Variants in ATAD1 observed in about 807,000 individuals in gnomAD.
ATAD1 encodes the protein ATPase family AAA domain containing 1.
Under a neutral mutation model 42.7 loss-of-function variants are expected in ATAD1, and 18 were observed. The ratio of observed to expected loss-of-function variants is 0.42; its 90% CI spans 0.29 to 0.63. The LOEUF (loss-of-function observed/expected upper bound fraction) is 0.63. ATAD1 is among the 20% of genes least tolerant of loss of function. The pLI is 0.19. For missense variants in ATAD1, 294 were observed against 440.4 expected (o/e 0.67, Z 2.98); for synonymous variants, 132 against 143.1 (o/e 0.92, Z 0.55).
chr10:87,838,020 T>C (rs1178561120), intron 1 of ATAD1, among the ~76,000 whole-genome samples: 1 of 151,872 alleles, frequency 6.6e-6, no homozygotes, highest in Non-Finnish European at 1.5e-5. Context: ...CCTGGGGCTC[T>C]GTCTGTCTGT....
At chr10:87,803,245 A>G (rs1856784232) in intron 2 of ATAD1, among the ~76,000 whole-genome samples, 1 of 152,224 alleles carries the variant, frequency 6.6e-6, no homozygotes, top group Non-Finnish European at 1.5e-5. Context: ...CCGTCAAGGA[A>G]TAAACCATCC....
At chr10:87,837,430 A>G (rs1857949485) in intron 1 of ATAD1, among the ~76,000 whole-genome samples, 1 of 152,126 alleles carries the variant, frequency 6.6e-6, no homozygotes, top group African/African-American at 2.4e-5. Context: ...TATGTGTACT[A>G]CCAGTCAGTA....
rs563097649 is a variant in ATAD1, at chr10:87,761,608, G to C, written c.832-4686C>G. Among the ~76,000 whole-genome samples, 100 of 152,152 alleles carry C rather than the reference G, an allele frequency of 6.6e-4. 1 individual carries two copies. Among genetic ancestry groups the C allele is most frequent in the African/African-American group, 2.3e-3 (96 of 41,518 alleles). ...GCCCAGGGAGGCTGCAGTGAGCTGA[G>C]ATTGTGCCACTGCACTCTAGCCTGG... On this transcript the variant is annotated intron_variant, in intron 8 of 9. Coordinates refer to ENST00000680024, the MANE Select transcript of ATAD1 (RefSeq NM_001321967.2).
At chr10:87,841,181 A>C (rs1047671972) in intron 1 of ATAD1, 1 of 152,166 alleles carries the variant, frequency 6.6e-6, no homozygotes, top group African/African-American at 2.4e-5. Context: ...CTAAGTGTTA[A>C]TGTACCTTCT....
At chr10:87,764,937 A>G (rs1207411058) in intron 8 of ATAD1, among the ~76,000 whole-genome samples, 1 of 152,212 alleles carries the variant, frequency 6.6e-6, no homozygotes, top group Non-Finnish European at 1.5e-5. Context: ...ATCTTGAGTC[A>G]AATACATGGT....
At chr10:87,791,204 C>CAAAA (rs33991078) in intron 3 of ATAD1, among the ~76,000 whole-genome samples, 1 of 97,244 alleles carries the variant, frequency 1.0e-5, no homozygotes, top group Non-Finnish European at 2.2e-5. Context: ...GACTCTGTCT[C>CAAAA]AAAAAAAAAA....
intron 6 of ATAD1, among the ~76,000 whole-genome samples, chr10:87,771,603 A>G (rs1855034031): frequency 6.6e-6 from 1 of 152,176 alleles, no homozygotes; most frequent in Non-Finnish European, 1.5e-5. Context: ...TAGCTTCTCA[A>G]TGCGAAATAA....
chr10:87,766,986 C>CA (rs1393291348), intron 8 of ATAD1, among the ~76,000 whole-genome samples: 1 of 151,606 alleles, frequency 6.6e-6, no homozygotes, highest in Non-Finnish European at 1.5e-5. Flanking sequence ...ATTTCAACTT[C>CA]AAAAAATATT....
At chr10:87,799,245 T>A (rs1856563666) in intron 2 of ATAD1, among the ~76,000 whole-genome samples, 1 of 152,208 alleles carries the variant, frequency 6.6e-6, no homozygotes, top group Non-Finnish European at 1.5e-5. Flanking sequence ...TATTAAGGTG[T>A]CAAAATTTGG....
chr10:87,838,502 G>A (rs1470411094), intron 1 of ATAD1, among the ~76,000 whole-genome samples: 2 of 148,748 alleles, frequency 1.3e-5, no homozygotes, highest in African/African-American at 4.9e-5. Context: ...AAGGTGGAGT[G>A]TGCTTACTCC....
intron 9 of ATAD1, among the ~76,000 whole-genome samples, chr10:87,755,070 A>T (rs1034160308): frequency 1.3e-5 from 2 of 152,258 alleles, no homozygotes; most frequent in African/African-American, 4.8e-5. Flanking sequence ...AGTGCTAAGA[A>T]GTAGGAAGCT....
chr10:87,755,143 A>G (rs1854164481), intron 9 of ATAD1, among the ~76,000 whole-genome samples: 1 of 152,360 alleles, frequency 6.6e-6, no homozygotes, highest in Middle Eastern at 3.4e-3. Context: ...AAAAAATGTT[A>G]TATGGTTTAT....
At chr10:87,831,281 G>T (rs1433924470) in intron 1 of ATAD1, among the ~76,000 whole-genome samples, 37 of 152,186 alleles carry the variant, frequency 2.4e-4, no homozygotes, top group African/African-American at 8.9e-4. Context: ...TTCACTAACT[G>T]CTTCAGTTGT....
chr10:87,840,755 G>A (rs375768931), intron 1 of ATAD1, among the ~76,000 whole-genome samples: 16 of 152,178 alleles, frequency 1.1e-4, no homozygotes, highest in East Asian at 7.7e-4. Context: ...TAGTGATTAA[G>A]GTCTTTCCAG....
chr10:87,812,277 A>G (rs1367003805), intron 2 of ATAD1, among the ~76,000 whole-genome samples: 1 of 152,048 alleles, frequency 6.6e-6, no homozygotes, highest in African/African-American at 2.4e-5. Flanking sequence ...CAGCATATTT[A>G]TTTATTTATT....
chr10:87,805,677 C>G (rs927925502), intron 2 of ATAD1, among the ~76,000 whole-genome samples: 6 of 152,012 alleles, frequency 3.9e-5, no homozygotes, highest in African/African-American at 1.2e-4. Context: ...CTACTGACCC[C>G]AACCCCTCCT....
At chr10:87,781,014 C>G (rs901575721) in intron 5 of ATAD1, among the ~76,000 whole-genome samples, 2 of 152,118 alleles carry the variant, frequency 1.3e-5, no homozygotes, top group Non-Finnish European at 2.9e-5. Flanking sequence ...TCTGGGAACA[C>G]ACAAACTGAG....
At chr10:87,818,103 C>CT in intron 1 of ATAD1, 64 bp downstream of exon 1, 1 of 985,556 alleles carries the variant, frequency 1.0e-6, no homozygotes, top group Non-Finnish European at 1.2e-6. Context: ...CGAGACGGTC[C>CT]TTAAAGGACC....
intron 2 of ATAD1, among the ~76,000 whole-genome samples, chr10:87,813,477 T>C (rs1857276785): frequency 6.6e-6 from 1 of 152,048 alleles, no homozygotes; most frequent in African/African-American, 2.4e-5. Flanking sequence ...TTCAGAATTC[T>C]CCAAAGTGCC....
Sources: allele counts gnomAD v4.1 joint callset (sites outside exome capture counted in the v4.1 genomes callset), GRCh38; gene constraint gnomAD v4.1.1; transcripts MANE v1.5; gene names NCBI Gene and HGNC (gene_info 2026-07-23, HGNC 2026-07-21).